The following BRCA2 variants were observed in gnomAD, a reference collection of about 807,000 sequenced individuals.
BRCA2 encodes breast cancer type 2 susceptibility protein.
A neutral mutation model predicts 276.7 loss-of-function variants in BRCA2; 203 were observed. That is an observed-to-expected ratio of 0.73 (90% confidence interval 0.65 to 0.82). The LOEUF (loss-of-function observed/expected upper bound fraction) is 0.82. Ranked by LOEUF, BRCA2 falls within the 40% of genes least tolerant of loss-of-function variation. The pLI, the probability that BRCA2 is intolerant of heterozygous loss-of-function variation, is 0.00. For synonymous variants in BRCA2, 1,289 were observed against 1,338.4 expected (o/e 0.96, Z 0.81); for missense variants, 3,920 against 3,915.0 (o/e 1.00, Z -0.03).
intron 18 of BRCA2, among the ~76,000 whole-genome samples, chr13:32,369,871 GCCAA>G (rs2137595148): frequency 6.6e-6 from 1 of 152,202 alleles, no homozygotes; most frequent in East Asian, 1.9e-4. Context: ...ACCTTGCCTG[GCCAA>G]AGATTAATTG....
At chr13:32,396,750 G>T in intron 25 of BRCA2, 148 bp from the exon 26 acceptor site, 1 of 943,980 alleles carries the variant, frequency 1.1e-6, no homozygotes, top group Non-Finnish European at 1.6e-6. Flanking sequence ...ATTTTGCATC[G>T]GCATGTTTGA....
chr13:32,366,299 G>A (rs1232811567), intron 18 of BRCA2, among the ~76,000 whole-genome samples: 1 of 152,146 alleles, frequency 6.6e-6, no homozygotes, highest in African/African-American at 2.4e-5. Context: ...CATATTGCTG[G>A]TGGTAGTGTT....
At chr13:32,341,722 G>A (rs138932151) in intron 11 of BRCA2, among the ~76,000 whole-genome samples, 3 of 151,828 alleles carry the variant, frequency 2.0e-5, no homozygotes, top group Non-Finnish European at 1.5e-5. Flanking sequence ...CAAAAAATTA[G>A]CCGGGCGTAG....
At chr13:32,372,398 C>CT (rs1472354334) in intron 20 of BRCA2, among the ~76,000 whole-genome samples, 1 of 152,188 alleles carries the variant, frequency 6.6e-6, no homozygotes, top group Non-Finnish European at 1.5e-5. Flanking sequence ...GCTTAATTGA[C>CT]TTACAGTTCC....
intron 7 of BRCA2, 129 bp from the exon 8 acceptor site, chr13:32,329,314 T>G: frequency 1.5e-6 from 1 of 654,714 alleles, no homozygotes. Flanking sequence ...CTTAAGTACT[T>G]GAATCAATTC....
chr13:32,324,929 C>A, intron 3 of BRCA2, 147 bp from the exon 4 acceptor site: 1 of 628,240 alleles, frequency 1.6e-6, no homozygotes, highest in Non-Finnish European at 2.8e-6. Flanking sequence ...GGGGGGTAAT[C>A]AGCAAACTGA....
At chr13:32,380,181 C>T (rs1566253733) in intron 24 of BRCA2, 36 bp downstream of exon 24, 1 of 1,570,852 alleles carries the variant, frequency 6.4e-7, no homozygotes, top group East Asian at 2.3e-5. Flanking sequence ...TTTATTGATT[C>T]TTTTAAAAAA....
intron 3 of BRCA2, among the ~76,000 whole-genome samples, chr13:32,321,958 G>A (rs780343237): frequency 9.9e-5 from 15 of 151,610 alleles, no homozygotes; most frequent in African/African-American, 1.9e-4. Context: ...TTAAATAGCC[G>A]AGTTTCTTTT....
At position 32,337,668 on chromosome 13, in the gene BRCA2, C is replaced by A. The variant is rs2137495361; in HGVS notation, c.3313C>A (p.Pro1105Thr). The A allele has an allele frequency of 1.3e-6, 2 of 1,595,952 alleles. No homozygotes were observed. The highest frequency in any genetic ancestry group is 1.7e-6 in the Non-Finnish European group (2 of 1,171,950). The stretch of plus-strand genomic sequence containing the variant: ...TTTTAATTCAAACCATAATTTAACA[C>A]CTAGCCAAAAGGCAGAAATTACAGA... ...QDFNSNHNLT[P>T]SQKAEITELS... Residue 1105 changes from proline to threonine, a missense_variant, in exon 11 of 27, where the codon CCT (proline) becomes ACT (threonine). Around this residue, in one of 2 missense-constraint regions of BRCA2, gnomAD observed 3,263 missense variants for 3,156.9 expected, o/e 1.03. Coordinates refer to ENST00000380152, the MANE Select transcript of BRCA2 (RefSeq NM_000059.4).
intron 21 of BRCA2, among the ~76,000 whole-genome samples, chr13:32,378,315 G>T (rs1481583776): frequency 1.3e-5 from 2 of 152,172 alleles, no homozygotes; most frequent in Non-Finnish European, 2.9e-5. Context: ...CTAAGAGTAG[G>T]TTATCTTTAG....
intron 21 of BRCA2, among the ~76,000 whole-genome samples, chr13:32,377,276 T>C (rs750370624): frequency 1.4e-4 from 21 of 152,154 alleles, no homozygotes; most frequent in Non-Finnish European, 2.8e-4. Context: ...GGCACTCTCA[T>C]TTTATTAGCA....
chr13:32,344,220 C>G (rs1044348923), intron 11 of BRCA2, among the ~76,000 whole-genome samples: 1 of 149,966 alleles, frequency 6.7e-6, no homozygotes, highest in Non-Finnish European at 1.5e-5. Context: ...TTTGTTAGGC[C>G]TTATTGCCAG....
Position 32,337,143 on chromosome 13 carries a change from T to C in BRCA2, c.2788T>C (p.Tyr930His), listed in dbSNP as rs1168540941. The change falls in exon 11 of 27, where the codon TAT becomes CAT. Residue 930 changes from tyrosine (Y) to histidine (H), a missense_variant. Transcript: ENST00000380152. The part of the protein sequence containing the change: ...PIFKNSTMVL[Y>H]GDTGDKQATQ... Reference sequence around the variant, plus strand: ...TTTCAAGAACTCTACCATGGTTTTATATGGAGACACAGGTGATAAACAAGC... The same window carrying C: ...TTTCAAGAACTCTACCATGGTTTTACATGGAGACACAGGTGATAAACAAGC... The C allele has an allele frequency of 6.2e-7, 1 of 1,613,796 alleles. No individual in the cohort carries two copies. The highest frequency in any genetic ancestry group is 8.5e-7 in the Non-Finnish European group (1 of 1,179,922).
In BRCA2 at chr13:32,362,675, T is replaced by C. The variant is rs80359022; in HGVS notation, c.7958T>C (p.Leu2653Pro). 3.7e-6 allele frequency: 6 copies of C among 1,614,210 alleles called. No individual in the cohort carries two copies. Among genetic ancestry groups the C allele is most frequent in the Non-Finnish European group, 5.1e-6 (6 of 1,180,038 alleles). Residue 2653 changes from leucine (L) to proline (P), a missense_variant, in exon 17 of 27, where the codon CTT (leucine) becomes CCT (proline). Leu to Pro is a moderately conservative substitution (Grantham distance 98). Around this residue, in one of 2 missense-constraint regions of BRCA2, gnomAD observed 3,263 missense variants for 3,156.9 expected, o/e 1.03. Transcript: ENST00000380152. Reference sequence around the variant, plus strand: ...AGATGCCTAAGCCCAGAAAGGGTGCTTCTTCAACTAAAATACAGGCAAGTT... The same window carrying C: ...AGATGCCTAAGCCCAGAAAGGGTGCCTCTTCAACTAAAATACAGGCAAGTT... ...ANRCLSPERVLLQLKYRYDTE... is the reference protein window; with the variant it reads ...ANRCLSPERVPLQLKYRYDTE...
intron 3 of BRCA2, 105 bp downstream of exon 3, chr13:32,319,430 A>G: frequency 8.5e-7 from 1 of 1,181,862 alleles, no homozygotes. Context: ...TGCTGGGCAA[A>G]TCAGTCTCTC....
In BRCA2 at chr13:32,315,665, C is replaced by G. The variant is rs536354307; in HGVS notation, c.-42C>G. The G allele has an allele frequency of 6.6e-6, 1 of 152,324 alleles. No individual in the cohort carries two copies. Among genetic ancestry groups the G allele is most frequent in the Non-Finnish European group, 1.5e-5 (1 of 68,136 alleles). The allele number at this position is 152,324 out of a possible 1,614,324, so 9.4% of individuals were successfully genotyped here. ...CCAAAAAAGAACTGCACCTCTGGAG[C>G]GGGTTAGTGGTGGTGGTAGTGGGTT... On this transcript the variant is annotated splice_region_variant and 5_prime_UTR_variant, in exon 1 of 27. Coordinates refer to ENST00000380152, the MANE Select transcript of BRCA2 (RefSeq NM_000059.4).
Position 32,346,807 on chromosome 13 carries a change from A to G in BRCA2, c.6938-20A>G, listed in dbSNP as rs2137541067. The G allele has an allele frequency of 6.3e-7, 1 of 1,577,042 alleles. No individual in the cohort carries two copies. Among genetic ancestry groups the G allele is most frequent in the Non-Finnish European group, 8.7e-7 (1 of 1,151,764 alleles). The stretch of plus-strand genomic sequence containing the variant: ...TCTTAGATTTTAACTAATATGTAAT[A>G]TAAAATAATTGTTTCCTAGGCACAA... On this transcript the variant is annotated intron_variant, in intron 12 of 26. Transcript: ENST00000380152.
At chr13:32,349,923 TAGA>T (rs2072636781) in intron 13 of BRCA2, among the ~76,000 whole-genome samples, 1 of 151,708 alleles carries the variant, frequency 6.6e-6, no homozygotes, top group South Asian at 2.1e-4. Context: ...GAGGATACAG[TAGA>T]AGGTGAACAC....
rs863224313 is a variant in BRCA2, at chr13:32,363,440, A to G, written c.8238A>G (p.Thr2746=). The change falls in exon 18 of 27, where the codon ACA becomes ACG. Residue 2746 remains threonine (T), a synonymous_variant. Transcript: ENST00000380152. ...LLAVLKNGRL[T]VGQKIILHGA... ...CTGTCTTAAAGAATGGCAGACTGAC[A>G]GTTGGTCAGAAGATTATTCTTCATG... 6.2e-7 allele frequency: 1 copy of G among 1,614,202 alleles called. No individual in the cohort carries two copies. Among genetic ancestry groups the G allele is most frequent in the Non-Finnish European group, 8.5e-7 (1 of 1,180,038 alleles).
Sources: gnomAD v4.1 joint callset for allele counts (sites outside exome capture counted in the v4.1 genomes callset) on GRCh38, gnomAD v4.1.1 for gene constraint, gnomAD v4.1.1 regional missense constraint, MANE v1.5 for transcripts, NCBI Gene and HGNC (gene_info 2026-07-23, HGNC 2026-07-21) for gene names.